ASTN1: variants seen among roughly 807,000 people sequenced by gnomAD.
ASTN1 encodes the protein astrotactin-1.
In ASTN1, 41 loss-of-function variants were observed where a neutral mutation model predicts 140.7. The observed-to-expected ratio is 0.29, with a 90% CI of 0.23 to 0.38. The LOEUF (loss-of-function observed/expected upper bound fraction) is 0.38, where lower values mean the gene tolerates loss of function less well. ASTN1 is among the 10% of genes least tolerant of loss of function. The probability of loss-of-function intolerance (pLI) is 1.00; values close to 1 mark genes in which losing one functional copy is unlikely to be tolerated. For missense variants in ASTN1, 1,479 were observed against 1,678.8 expected (o/e 0.88, Z 2.08); for synonymous variants, 640 against 652.2 (o/e 0.98, Z 0.29).
At chr1:176,923,826 C>T (rs1481926057) in intron 16 of ASTN1, among the ~76,000 whole-genome samples, 1 of 152,088 alleles carries the variant, frequency 6.6e-6, no homozygotes, top group Non-Finnish European at 1.5e-5. Flanking sequence ...AGTACTCATC[C>T]CAAAAGATGT....
At chr1:176,874,613 A>C (rs148312908) in intron 21 of ASTN1, among the ~76,000 whole-genome samples, 25 of 152,272 alleles carry the variant, frequency 1.6e-4, no homozygotes, top group African/African-American at 3.4e-4. Context: ...GTATTGTGCC[A>C]TTCCTTCAGT....
chr1:176,886,774 G>A (rs1669048276), intron 18 of ASTN1, among the ~76,000 whole-genome samples: 1 of 152,150 alleles, frequency 6.6e-6, no homozygotes, highest in South Asian at 2.1e-4. Flanking sequence ...TTTCCTAAGC[G>A]GTCTGTTGCT....
Position 177,010,045 on chromosome 1 carries a change from C to CA in ASTN1, c.1523+4745dup, listed in dbSNP as rs978968709. Among the ~76,000 whole-genome samples, 3 of 152,072 alleles carry CA rather than the reference C, an allele frequency of 2.0e-5. No homozygotes were observed. In the East Asian group the frequency reaches 5.8e-4, roughly 29 times the overall value. ...GCCCTTGGGTGTACTTTTAATTTAA[C>CA]AAAAAAACATGATTGTAGTCTTTCG... is the stretch of plus-strand genomic sequence containing the variant. On this transcript the variant is annotated intron_variant, in intron 8 of 22. Transcript: ENST00000361833.
chr1:177,144,909 G>C (rs1272859679), intron 1 of ASTN1, among the ~76,000 whole-genome samples: 1 of 152,178 alleles, frequency 6.6e-6, no homozygotes, highest in Non-Finnish European at 1.5e-5. Context: ...CCAACCGTAA[G>C]AAAACACATG....
At chr1:177,087,628 A>G (rs77827784) in intron 1 of ASTN1, among the ~76,000 whole-genome samples, 7,622 of 152,212 alleles carry the variant, frequency 0.05, 251 homozygotes, top group South Asian at 0.12. Context: ...CCTGGTTGCA[A>G]TGAATCAATG....
At chr1:177,085,807 T>C (rs965409947) in intron 1 of ASTN1, among the ~76,000 whole-genome samples, 2 of 152,158 alleles carry the variant, frequency 1.3e-5, no homozygotes, top group African/African-American at 4.8e-5. Context: ...GCGTGGGCAT[T>C]GTCTTCGCCA....
At chr1:177,086,793 T>A (rs979851153) in intron 1 of ASTN1, among the ~76,000 whole-genome samples, 59 of 152,216 alleles carry the variant, frequency 3.9e-4, no homozygotes, top group Non-Finnish European at 2.8e-4. Flanking sequence ...TTCTTCTCTA[T>A]ATTTTTCTGC....
intron 2 of ASTN1, among the ~76,000 whole-genome samples, chr1:177,038,969 G>GA (rs1357555650): frequency 3.3e-5 from 5 of 152,122 alleles, no homozygotes; most frequent in Non-Finnish European, 7.4e-5. Context: ...ATGGACCAGT[G>GA]GAATCCTTCT....
chr1:176,982,804 T>C (rs138728755), intron 8 of ASTN1, among the ~76,000 whole-genome samples: 1 of 152,166 alleles, frequency 6.6e-6, no homozygotes, highest in Non-Finnish European at 1.5e-5. Context: ...GACCCTGTGA[T>C]AGACAACCCA....
At chr1:176,877,133 G>C (rs1191245153) in intron 20 of ASTN1, among the ~76,000 whole-genome samples, 1 of 152,194 alleles carries the variant, frequency 6.6e-6, no homozygotes, top group Non-Finnish European at 1.5e-5. Context: ...AAGCCACATA[G>C]TTATAGTGAA....
chr1:177,110,758 G>C (rs953257257), intron 1 of ASTN1, among the ~76,000 whole-genome samples: 1 of 152,178 alleles, frequency 6.6e-6, no homozygotes, highest in Non-Finnish European at 1.5e-5. Flanking sequence ...AAATGGCAGA[G>C]CCACAGTCGG....
chr1:176,958,342 C>T lies in ASTN1; in HGVS notation c.1736+3G>A. The T allele has an allele frequency of 6.2e-7, 1 of 1,614,014 alleles. No homozygotes were observed. Among genetic ancestry groups the T allele is most frequent in the Non-Finnish European group, 8.5e-7 (1 of 1,179,924 alleles). ...CAGGCCTCAGTCCTGAAGCCAGACT[C>T]ACCTGACCTCCACAGCATCCTCCAT... On this transcript the variant is annotated splice_donor_region_variant and intron_variant, in intron 10 of 22. Coordinates refer to ENST00000361833, the MANE Select transcript of ASTN1 (RefSeq NM_004319.3).
At chr1:177,137,424 T>A (rs1571836689) in intron 1 of ASTN1, among the ~76,000 whole-genome samples, 1 of 152,184 alleles carries the variant, frequency 6.6e-6, no homozygotes, top group African/African-American at 2.4e-5. Flanking sequence ...AGTTCAAGGA[T>A]ATCAGACAAG....
At chr1:177,059,903 G>A (rs1394138069) in intron 2 of ASTN1, among the ~76,000 whole-genome samples, 2 of 152,060 alleles carry the variant, frequency 1.3e-5, no homozygotes, top group Non-Finnish European at 2.9e-5. Flanking sequence ...CCATATACAT[G>A]GCTTATAAAT....
At chr1:176,960,257 G>A (rs114673401) in intron 9 of ASTN1, among the ~76,000 whole-genome samples, 1,883 of 152,296 alleles carry the variant, frequency 0.012, 19 homozygotes, top group Non-Finnish European at 0.019. Context: ...AGGCTGGAGT[G>A]GGGGCACCTC....
chr1:177,056,634 G>A (rs1677821563), intron 2 of ASTN1, among the ~76,000 whole-genome samples: 1 of 151,142 alleles, frequency 6.6e-6, no homozygotes, highest in Admixed American at 6.6e-5. Flanking sequence ...TGTGAAAAAT[G>A]TACTTAACCA....
At chr1:176,903,025 C>G (rs1669834274) in intron 16 of ASTN1, among the ~76,000 whole-genome samples, 1 of 152,188 alleles carries the variant, frequency 6.6e-6, no homozygotes, top group African/African-American at 2.4e-5. Flanking sequence ...ATGGTTCTCA[C>G]CCAGTGCTTT....
At chr1:176,915,762 G>A (rs1300042699) in intron 16 of ASTN1, among the ~76,000 whole-genome samples, 1 of 152,134 alleles carries the variant, frequency 6.6e-6, no homozygotes, top group Non-Finnish European at 1.5e-5. Flanking sequence ...GGGAGGAGAG[G>A]GAGGGCACGA....
chr1:176,919,281 C>G (rs1394286054), intron 16 of ASTN1, among the ~76,000 whole-genome samples: 1 of 152,122 alleles, frequency 6.6e-6, no homozygotes, highest in Non-Finnish European at 1.5e-5. Flanking sequence ...GAAAGAATAA[C>G]TTATTGAATT....
Sources: gnomAD v4.1 joint callset for allele counts (sites outside exome capture counted in the v4.1 genomes callset) on GRCh38, gnomAD v4.1.1 for gene constraint, MANE v1.5 for transcripts, NCBI Gene and HGNC (gene_info 2026-07-23, HGNC 2026-07-21) for gene names.